The following CCDC15 variants were observed in gnomAD, a reference collection of about 807,000 sequenced individuals.
CCDC15 encodes the protein coiled-coil domain containing 15, also known as coiled-coil domain-containing protein 15.
Under a neutral mutation model 114.5 loss-of-function variants are expected in CCDC15, and 105 were observed. That is an observed-to-expected ratio of 0.92 (90% CI 0.78 to 1.08). The LOEUF (loss-of-function observed/expected upper bound fraction) is 1.08. CCDC15 is among the 50% of genes least tolerant of loss of function. The pLI, the probability that CCDC15 is intolerant of heterozygous loss-of-function variation, is 0.00. For synonymous variants in CCDC15, 334 were observed against 377.8 expected, an observed-to-expected ratio of 0.88 and a Z score of 1.34; for missense variants, 1,105 against 1,093.6, an observed-to-expected ratio of 1.01 and a Z score of -0.15.
intron 6 of CCDC15, among the ~76,000 whole-genome samples, chr11:124,984,925 G>T (rs962379884): frequency 5.3e-5 from 8 of 152,114 alleles, no homozygotes; most frequent in African/African-American, 1.9e-4. Context: ...CCTCCTGGCT[G>T]CTTCTAGCCA....
intron 8 of CCDC15, 49 bp downstream of exon 8, chr11:124,988,183 G>A: frequency 6.5e-7 from 1 of 1,548,838 alleles, no homozygotes; most frequent in Non-Finnish European, 8.7e-7. Flanking sequence ...AAGCTACTTA[G>A]GGTTTGAGGA....
At position 124,993,190 on chromosome 11, in the gene CCDC15, T is replaced by C; in HGVS notation, c.2161T>C (p.Ser721Pro). The change falls in exon 11 of 16, where the codon TCA becomes CCA. Residue 721 changes from serine (S) to proline (P), a missense_variant. Physicochemically the swap from Ser to Pro is moderately conservative, Grantham distance 74. Transcript: ENST00000344762. ...REQNKHIKLPSSFEKWEIARG... is the reference protein window; with the variant it reads ...REQNKHIKLPPSFEKWEIARG... Reference sequence around the variant, plus strand: ...TTAGAACAAGCATATCAAACTACCCTCATCTTTTGAGAAATGGGAGATTGC... The same window carrying C: ...TTAGAACAAGCATATCAAACTACCCCCATCTTTTGAGAAATGGGAGATTGC... The C allele has an allele frequency of 6.2e-7, 1 of 1,606,644 alleles. No individual in the cohort carries two copies. Among genetic ancestry groups the C allele is most frequent in the Non-Finnish European group, 8.5e-7 (1 of 1,175,054 alleles).
At chr11:125,014,924 C>G (rs1336219522) in intron 13 of CCDC15, among the ~76,000 whole-genome samples, 3 of 152,198 alleles carry the variant, frequency 2.0e-5, no homozygotes, top group Non-Finnish European at 2.9e-5. Flanking sequence ...CACAGTTCAT[C>G]TTACTTTTGG....
chr11:125,031,391 C>G (rs1419046369), intron 13 of CCDC15, among the ~76,000 whole-genome samples: 1 of 152,204 alleles, frequency 6.6e-6, no homozygotes, highest in African/African-American at 2.4e-5. Context: ...TGAGCCACTT[C>G]CTCACATAAC....
At chr11:124,970,056 C>G (rs1226820214) in intron 4 of CCDC15, among the ~76,000 whole-genome samples, 1 of 152,156 alleles carries the variant, frequency 6.6e-6, no homozygotes, top group Non-Finnish European at 1.5e-5. Context: ...TCTAGGTAAA[C>G]TAGTATAGTT....
At chr11:125,009,254 A>G (rs933719494) in intron 13 of CCDC15, among the ~76,000 whole-genome samples, 1 of 151,954 alleles carries the variant, frequency 6.6e-6, no homozygotes, top group African/African-American at 2.4e-5. Context: ...TTATAATGAA[A>G]TCTAATATGA....
At chr11:124,991,035 A>G (rs1346336966) in intron 8 of CCDC15, among the ~76,000 whole-genome samples, 2 of 152,250 alleles carry the variant, frequency 1.3e-5, no homozygotes, top group Non-Finnish European at 2.9e-5. Flanking sequence ...ACTAAAACCT[A>G]AAGTCTTAAC....
At chr11:124,975,560 T>G (rs964302784) in intron 5 of CCDC15, among the ~76,000 whole-genome samples, 2 of 152,192 alleles carry the variant, frequency 1.3e-5, no homozygotes, top group Non-Finnish European at 2.9e-5. Context: ...ACAGGACTTA[T>G]AGTGGTGAAA....
At chr11:125,004,652 G>C (rs934255146) in intron 12 of CCDC15, among the ~76,000 whole-genome samples, 2 of 152,064 alleles carry the variant, frequency 1.3e-5, no homozygotes, top group Non-Finnish European at 2.9e-5. Context: ...TCATTTATGA[G>C]TCTGAGGCTT....
intron 13 of CCDC15, among the ~76,000 whole-genome samples, chr11:125,025,067 A>AATATATATATGAAT (rs1365002248): frequency 8.7e-6 from 1 of 115,118 alleles, no homozygotes; most frequent in East Asian, 2.2e-4. Flanking sequence ...TATATATATG[A>AATATATATATGAAT]ATATATGAAT....
At chr11:124,999,288 A>G (rs1591600944) in intron 11 of CCDC15, among the ~76,000 whole-genome samples, 1 of 152,122 alleles carries the variant, frequency 6.6e-6, no homozygotes, top group South Asian at 2.1e-4. Flanking sequence ...AACATTTTCA[A>G]TCTGTAAATC....
chr11:124,998,934 TCG>T (rs1323233935), intron 11 of CCDC15, among the ~76,000 whole-genome samples: 1 of 152,034 alleles, frequency 6.6e-6, no homozygotes, highest in East Asian at 1.9e-4. Flanking sequence ...AGAAGGGGTT[TCG>T]CCATGTTAGT....
chr11:124,957,661 C>T (rs890740888), intron 2 of CCDC15, among the ~76,000 whole-genome samples: 1 of 152,174 alleles, frequency 6.6e-6, no homozygotes, highest in East Asian at 1.9e-4. Context: ...GGCTTCATTA[C>T]GTATATATCT....
intron 11 of CCDC15, among the ~76,000 whole-genome samples, chr11:124,999,409 C>A (rs1371366649): frequency 6.6e-6 from 1 of 151,982 alleles, no homozygotes; most frequent in Admixed American, 6.6e-5. Context: ...AAATTTTAGA[C>A]CTTTTGATAT....
At chr11:125,024,815 T>G (rs1171912019) in intron 13 of CCDC15, among the ~76,000 whole-genome samples, 1 of 151,794 alleles carries the variant, frequency 6.6e-6, no homozygotes, top group Admixed American at 6.6e-5. Flanking sequence ...TCCAGTACAA[T>G]GTTGAATAGA....
chr11:125,023,642 G>A (rs1948676521), intron 13 of CCDC15, among the ~76,000 whole-genome samples: 1 of 151,950 alleles, frequency 6.6e-6, no homozygotes, highest in South Asian at 2.1e-4. Flanking sequence ...ACAGATAAAA[G>A]CAAGTTTTGG....
intron 13 of CCDC15, among the ~76,000 whole-genome samples, chr11:125,022,516 G>A (rs902670199): frequency 6.6e-6 from 1 of 151,950 alleles, no homozygotes; most frequent in Non-Finnish European, 1.5e-5. Flanking sequence ...TGGCCAGTGA[G>A]TAGCTGTCAG....
At chr11:125,019,797 G>A (rs1948650286) in intron 13 of CCDC15, among the ~76,000 whole-genome samples, 1 of 151,978 alleles carries the variant, frequency 6.6e-6, no homozygotes, top group African/African-American at 2.4e-5. Context: ...AATCCAAGTA[G>A]AGAGTACCAG....
chr11:124,978,020 A>G lies in CCDC15; in HGVS notation c.753+420A>G, dbSNP rs1948004963. Among the ~76,000 whole-genome samples, 4 of 152,008 alleles carry G rather than the reference A, an allele frequency of 2.6e-5. No homozygotes were observed. The South Asian group carries it at 8.3e-4, about 32-fold the overall frequency. ...ACCCTCCTTTCACCCTCCACCCTCA[A>G]GTAGGCCCTGGTGTCTGTTGTTTCC... On this transcript the variant is annotated intron_variant, in intron 6 of 15. Coordinates refer to ENST00000344762, the MANE Select transcript of CCDC15 (RefSeq NM_025004.3).
Sources: gnomAD v4.1 joint callset for allele counts (sites outside exome capture counted in the v4.1 genomes callset) on GRCh38, gnomAD v4.1.1 for gene constraint, MANE v1.5 for transcripts, NCBI Gene and HGNC (gene_info 2026-07-23, HGNC 2026-07-21) for gene names.